The following XIRP2 variants were observed in gnomAD, a reference collection of about 807,000 sequenced individuals.
XIRP2 encodes the protein xin actin binding repeat containing 2, also known as xin actin-binding repeat-containing protein 2.
XIRP2 carries 236 observed loss-of-function variants against 277.0 expected under a neutral mutation model. The ratio of observed to expected loss-of-function variants is 0.85; its 90% CI spans 0.77 to 0.95. XIRP2 has a LOEUF of 0.95. XIRP2 is among the 40% of genes least tolerant of loss of function. XIRP2 has a pLI of 0.00. For synonymous variants in XIRP2, 1,490 were observed against 1,416.5 expected (o/e 1.05, Z -1.17); for missense variants, 4,640 against 4,157.5 (o/e 1.12, Z -3.19).
chr2:167,038,807 G>A (rs1688582759), intron 2 of XIRP2, among the ~76,000 whole-genome samples: 1 of 151,914 alleles, frequency 6.6e-6, no homozygotes, highest in Non-Finnish European at 1.5e-5. Flanking sequence ...AAATTCAGAA[G>A]ATTAAAGAAA....
At position 167,086,072 on chromosome 2, in the gene XIRP2, A is replaced by G. The variant is rs528061929; in HGVS notation, c.409-49837A>G. On this transcript the variant is annotated intron_variant, in intron 2 of 10. Coordinates refer to ENST00000409195, the MANE Select transcript of XIRP2 (RefSeq NM_152381.6). ...TTACATTTTGGCATGATTTTGCAGC[A>G]GCTGGTACCGGTTGTTCCTTTCCAT... 2.3e-3 allele frequency among the ~76,000 whole-genome samples: 346 copies of G among 152,092 alleles called. 12 individuals are homozygous for G. The East Asian group carries it at 0.056, about 24-fold the overall frequency.
chr2:167,070,479 C>G (rs16852940), intron 2 of XIRP2, among the ~76,000 whole-genome samples: 7,189 of 152,062 alleles, frequency 0.047, 401 homozygotes, highest in African/African-American at 0.13. Flanking sequence ...AATCCTGTAT[C>G]TATATGCTGA....
In XIRP2 at chr2:167,247,689, C is replaced by T. The variant is rs7581190; in HGVS notation, c.6297C>T (p.Asp2099=). Reference sequence around the variant, plus strand: ...ATAATCTAACAACTAAAGAATCAGACAGGGCAGTGAGAGAGCTGAAGAAGG... The same window carrying T: ...ATAATCTAACAACTAAAGAATCAGATAGGGCAGTGAGAGAGCTGAAGAAGG... The part of the protein sequence containing the change: ...VKNNLTTKES[D]RAVRELKKDD... The change falls in exon 9 of 11, where the codon GAC becomes GAT. Residue 2099 remains aspartate, a synonymous_variant. Transcript: ENST00000409195. The T allele has an allele frequency of 0.11, 178,549 of 1,613,246 alleles. 11,423 individuals are homozygous for T. Among genetic ancestry groups the T allele is most frequent in the African/African-American group, 0.27 (20,563 of 74,834 alleles).
chr2:167,250,300 A>G lies in XIRP2; in HGVS notation c.8908A>G (p.Lys2970Glu). Residue 2970 changes from lysine to glutamate, a missense_variant, in exon 9 of 11, where the codon AAA (lysine) becomes GAA (glutamate). Coordinates refer to ENST00000409195, the MANE Select transcript of XIRP2 (RefSeq NM_152381.6). ...RVKQFEAEPNKSGLKTFQTLL... is the reference protein window; with the variant it reads ...RVKQFEAEPNESGLKTFQTLL... ...GAAACAGTTTGAAGCAGAGCCAAATAAAAGTGGCCTTAAAACATTTCAGAC... is the reference window on the plus strand; with the variant it reads ...GAAACAGTTTGAAGCAGAGCCAAATGAAAGTGGCCTTAAAACATTTCAGAC... The G allele has an allele frequency of 6.2e-7, 1 of 1,613,064 alleles. No individual in the cohort carries two copies. Among genetic ancestry groups the G allele is most frequent in the Non-Finnish European group, 8.5e-7 (1 of 1,179,582 alleles).
intron 2 of XIRP2, among the ~76,000 whole-genome samples, chr2:167,034,255 C>G (rs1688447239): frequency 6.6e-6 from 1 of 151,992 alleles, no homozygotes; most frequent in Admixed American, 6.6e-5. Flanking sequence ...ATGTTATTTG[C>G]AAGCTGCATG....
chr2:167,252,348 G>T (rs906913117), intron 9 of XIRP2, among the ~76,000 whole-genome samples: 10 of 151,838 alleles, frequency 6.6e-5, no homozygotes, highest in Admixed American at 6.6e-4. Context: ...TATTTGCATT[G>T]AGTTCAATAC....
chr2:167,138,254 A>C (rs2105320690), intron 3 of XIRP2, among the ~76,000 whole-genome samples: 1 of 152,350 alleles, frequency 6.6e-6, no homozygotes. Flanking sequence ...TATAAAAGAT[A>C]ATTTAAGTGC....
intron 2 of XIRP2, among the ~76,000 whole-genome samples, chr2:167,014,211 CAAATT>C (rs1687760971): frequency 6.6e-6 from 1 of 151,270 alleles, no homozygotes; most frequent in East Asian, 1.9e-4. Flanking sequence ...TTAGGAAAAA[CAAATT>C]AAAAGGGACA....
chr2:167,126,477 A>G (rs1452988441), intron 2 of XIRP2, among the ~76,000 whole-genome samples: 1 of 152,162 alleles, frequency 6.6e-6, no homozygotes, highest in Non-Finnish European at 1.5e-5. Context: ...GAGCATACAG[A>G]TGAGGAAACT....
At chr2:167,050,109 A>G (rs779614248) in intron 2 of XIRP2, among the ~76,000 whole-genome samples, 2 of 152,002 alleles carry the variant, frequency 1.3e-5, no homozygotes, top group Non-Finnish European at 2.9e-5. Flanking sequence ...ACAGTATACT[A>G]TTCACTTTGA....
chr2:167,095,797 G>T (rs1331898358), intron 2 of XIRP2, among the ~76,000 whole-genome samples: 1 of 136,878 alleles, frequency 7.3e-6, no homozygotes, highest in Non-Finnish European at 1.6e-5. Context: ...TCTCTGCTAG[G>T]TTTTTCTTTC....
chr2:167,250,017 G>A lies in XIRP2; in HGVS notation c.8625G>A (p.Gln2875=). ...AGAATTTTCAGCAAACACAAATACA[G>A]ACCGCTGAAAGTAAAGCTGAACATA... ...QTQNFQQTQI[Q]TAESKAEHKK... Residue 2875 remains glutamine (Q), a synonymous_variant, in exon 9 of 11, where the codon CAG becomes CAA. Transcript: ENST00000409195. 3.7e-6 allele frequency: 6 copies of A among 1,613,558 alleles called. No homozygotes were observed. The highest frequency in any genetic ancestry group is 5.1e-6 in the Non-Finnish European group (6 of 1,179,692).
At chr2:167,123,511 T>TTGTTA (rs1185365142) in intron 2 of XIRP2, among the ~76,000 whole-genome samples, 3 of 152,080 alleles carry the variant, frequency 2.0e-5, no homozygotes, top group Non-Finnish European at 4.4e-5. Context: ...TTTTTTTGTT[T>TTGTTA]TGTTTTGTTT....
chr2:167,134,550 T>C (rs1691486334), intron 2 of XIRP2, among the ~76,000 whole-genome samples: 1 of 152,154 alleles, frequency 6.6e-6, no homozygotes, highest in Admixed American at 6.6e-5. Flanking sequence ...GACATCATTA[T>C]CTGAATGGCT....
intron 9 of XIRP2, among the ~76,000 whole-genome samples, chr2:167,252,754 G>A (rs574941793): frequency 1.8e-4 from 28 of 151,934 alleles, no homozygotes; most frequent in Admixed American, 3.3e-4. Flanking sequence ...TATAATTAAT[G>A]TGCATCATTA....
chr2:167,184,996 C>T (rs1039739007), intron 3 of XIRP2, among the ~76,000 whole-genome samples: 1 of 152,092 alleles, frequency 6.6e-6, no homozygotes, highest in Admixed American at 6.6e-5. Flanking sequence ...CATCCATCTA[C>T]CCGTCATTCA....
At chr2:167,257,825 G>T in intron 10 of XIRP2, 32 bp from the exon 11 acceptor site, 1 of 1,548,850 alleles carries the variant, frequency 6.5e-7, no homozygotes, top group Non-Finnish European at 8.7e-7. Context: ...CAGTAAATAC[G>T]AACTGCTAAG....
intron 3 of XIRP2, among the ~76,000 whole-genome samples, chr2:167,162,549 G>T (rs1487634337): frequency 2.6e-5 from 4 of 152,126 alleles, no homozygotes; most frequent in Non-Finnish European, 5.9e-5. Flanking sequence ...AACAGCATGG[G>T]AAAGGCCTGC....
chr2:167,088,054 A>G (rs963852028), intron 2 of XIRP2, among the ~76,000 whole-genome samples: 10 of 152,188 alleles, frequency 6.6e-5, no homozygotes, highest in African/African-American at 2.4e-4. Context: ...TTCAGTGGCC[A>G]CTATTAATTT....
Sources: gnomAD v4.1 joint callset for allele counts (sites outside exome capture counted in the v4.1 genomes callset) on GRCh38, gnomAD v4.1.1 for gene constraint, MANE v1.5 for transcripts, NCBI Gene and HGNC (gene_info 2026-07-23, HGNC 2026-07-21) for gene names.